AFTPH: variants seen among roughly 807,000 people sequenced by gnomAD.
AFTPH encodes aftiphilin.
In AFTPH, 7 loss-of-function variants were observed where a neutral mutation model predicts 72.5. The ratio of observed to expected loss-of-function variants is 0.10; its 90% CI spans 0.05 to 0.18. The LOEUF is 0.18. AFTPH is among the 10% of genes least tolerant of loss of function. The pLI, the probability that AFTPH is intolerant of heterozygous loss-of-function variation, is 1.00. For missense variants in AFTPH, 979 were observed against 1,060.5 expected (o/e 0.92, Z 1.07); for synonymous variants, 337 against 370.1 (o/e 0.91, Z 1.03).
intron 7 of AFTPH, among the ~76,000 whole-genome samples, chr2:64,583,970 C>T (rs1250287533): frequency 1.3e-5 from 2 of 152,028 alleles, no homozygotes; most frequent in Non-Finnish European, 2.9e-5. Context: ...AGGAAAAAAA[C>T]TTGTTAATCT....
intron 7 of AFTPH, 148 bp downstream of exon 8, chr2:64,581,421 G>T (rs542306604): frequency 1.5e-4 from 98 of 634,556 alleles, no homozygotes; most frequent in Middle Eastern, 1.1e-3. Context: ...TTATTTTCTA[G>T]TATCTGATTA....
intron 6 of AFTPH, among the ~76,000 whole-genome samples, chr2:64,575,979 T>C (rs1439439524): frequency 6.6e-6 from 1 of 151,512 alleles, no homozygotes; most frequent in African/African-American, 2.4e-5. Flanking sequence ...CCTCAAGTGA[T>C]CTGCCCACCT....
At chr2:64,536,934 A>G (rs1215469451) in intron 1 of AFTPH, among the ~76,000 whole-genome samples, 1 of 146,042 alleles carries the variant, frequency 6.8e-6, no homozygotes, top group Non-Finnish European at 1.5e-5. Context: ...GCCTGGGAAA[A>G]GAAGGAGACT....
intron 5 of AFTPH, 26 bp from the exon 6 acceptor site, chr2:64,572,920 A>G (rs1198785201): frequency 6.2e-7 from 1 of 1,613,658 alleles, no homozygotes; most frequent in Non-Finnish European, 8.5e-7. Flanking sequence ...CCCCATCCCC[A>G]TTAAAGGCTA....
At chr2:64,528,936 T>C (rs1452274507) in intron 1 of AFTPH, among the ~76,000 whole-genome samples, 1 of 152,116 alleles carries the variant, frequency 6.6e-6, no homozygotes, top group African/African-American at 2.4e-5. Context: ...AAATAGACTA[T>C]AGGAGTGGAA....
rs1392724532 is a variant in AFTPH at position 64,566,064 on chromosome 2, T to TA, written c.1936-1497dup. On this transcript the variant is annotated intron_variant, in intron 2 of 8. Transcript: ENST00000238856. ...ACAGAGAAATAAAATTTGGCCATGT[T>TA]AGTTTTTTGTTTACCTTCCCTGCCC... Among the ~76,000 whole-genome samples, 6 of 152,338 alleles carry TA rather than the reference T, an allele frequency of 3.9e-5. 1 individual carries two copies. In the South Asian group the frequency reaches 1.0e-3, roughly 26 times the overall value.
Position 64,555,219 on chromosome 2 carries a change from CT to C in AFTPH, c.1935+1818del, listed in dbSNP as rs749651386. Among the ~76,000 whole-genome samples the C allele has an allele frequency of 5.3e-5, 8 of 151,856 alleles. No individual in the cohort carries two copies. In the East Asian group the frequency reaches 9.7e-4, roughly 18 times the overall value. On this transcript the variant is annotated intron_variant, in intron 2 of 8. Transcript: ENST00000238856. ...AAAATAAGAATTTTATAGTATGATTCTTTTTTTTATAAAAATAAAACAAACT... is the reference window on the plus strand; with the variant it reads ...AAAATAAGAATTTTATAGTATGATTCTTTTTTTATAAAAATAAAACAAACT...
intron 1 of AFTPH, among the ~76,000 whole-genome samples, chr2:64,546,499 G>A (rs1324751852): frequency 5.3e-5 from 8 of 151,764 alleles, no homozygotes; most frequent in Non-Finnish European, 1.2e-4. Context: ...TACTTAGCTA[G>A]AATTGTATAA....
intron 1 of AFTPH, among the ~76,000 whole-genome samples, chr2:64,542,301 T>A (rs2042090): frequency 0.37 from 55,942 of 152,010 alleles, 10,592 homozygotes; most frequent in African/African-American, 0.47. Flanking sequence ...TGTGTGGATG[T>A]TGGGGGTAGG....
chr2:64,530,401 T>C (rs1359181926), intron 1 of AFTPH, among the ~76,000 whole-genome samples: 2 of 152,150 alleles, frequency 1.3e-5, no homozygotes, highest in African/African-American at 4.8e-5. Flanking sequence ...ATTATCTACA[T>C]CATATTATGT....
In AFTPH at chr2:64,540,867, G is replaced by A. The variant is rs145571416; in HGVS notation, c.-32-10576G>A. On this transcript the variant is annotated intron_variant, in intron 1 of 8. Transcript: ENST00000238856. The stretch of plus-strand genomic sequence containing the variant: ...GCTTGGCATTTTTGTTGGTTATACT[G>A]TACTTTCTTGTCTTGTAAAAATCTT... Among the ~76,000 whole-genome samples the A allele has an allele frequency of 3.7e-3, 563 of 152,154 alleles. 1 individual carries two copies. Among genetic ancestry groups the A allele is most frequent in the African/African-American group, 0.013 (536 of 41,528 alleles).
chr2:64,541,224 T>C (rs1670232544), intron 1 of AFTPH, among the ~76,000 whole-genome samples: 1 of 152,186 alleles, frequency 6.6e-6, no homozygotes, highest in African/African-American at 2.4e-5. Context: ...GTATTAATAA[T>C]GACATTGGTG....
intron 1 of AFTPH, among the ~76,000 whole-genome samples, chr2:64,535,978 A>G (rs1669860367): frequency 6.6e-6 from 1 of 152,188 alleles, no homozygotes; most frequent in Admixed American, 6.5e-5. Context: ...TTAAGGAGGG[A>G]GAAACTTGAT....
intron 7 of AFTPH, among the ~76,000 whole-genome samples, chr2:64,584,463 T>G (rs954394048): frequency 1.3e-5 from 2 of 152,156 alleles, no homozygotes; most frequent in Non-Finnish European, 2.9e-5. Context: ...ATTAACCCTG[T>G]AGACAAGAAT....
intron 1 of AFTPH, among the ~76,000 whole-genome samples, chr2:64,545,191 T>A (rs1400087230): frequency 1.3e-5 from 2 of 152,150 alleles, no homozygotes; most frequent in East Asian, 3.9e-4. Context: ...CACACATAGT[T>A]CTTTGAAAGT....
intron 2 of AFTPH, among the ~76,000 whole-genome samples, chr2:64,561,322 T>A (rs1231623455): frequency 6.6e-6 from 1 of 152,200 alleles, no homozygotes; most frequent in Non-Finnish European, 1.5e-5. Context: ...TATTCCATAT[T>A]CAAGGGAAAA....
At chr2:64,579,250 AATTTC>A (rs1229302137) in intron 6 of AFTPH, among the ~76,000 whole-genome samples, 1 of 152,238 alleles carries the variant, frequency 6.6e-6, no homozygotes, top group African/African-American at 2.4e-5. Context: ...ATGTAAAGAT[AATTTC>A]ATTTCCCAGA....
At position 64,535,693 on chromosome 2, in the gene AFTPH, T is replaced by C. The variant is rs555848185; in HGVS notation, c.-33+11081T>C. Among the ~76,000 whole-genome samples the C allele has an allele frequency of 5.9e-5, 9 of 152,338 alleles. No individual in the cohort carries two copies. The South Asian group carries it at 1.9e-3, about 32-fold the overall frequency. On this transcript the variant is annotated intron_variant, in intron 1 of 8. Coordinates refer to ENST00000238856, the Ensembl canonical transcript of AFTPH. ...CAGTTCTCCAGCCTTGATAGAAAAC[T>C]TCATGCCTGAATAGAATTTTGAAGG... is the stretch of plus-strand genomic sequence containing the variant.
intron 1 of AFTPH, among the ~76,000 whole-genome samples, chr2:64,545,707 T>TC (rs1670565372): frequency 6.8e-6 from 1 of 148,110 alleles, no homozygotes; most frequent in African/African-American, 2.5e-5. Context: ...GCATACATAA[T>TC]ATCCTTTCAA....
Sources: allele counts gnomAD v4.1 joint callset (sites outside exome capture counted in the v4.1 genomes callset), GRCh38; gene constraint gnomAD v4.1.1; transcripts MANE v1.5; gene names NCBI Gene and HGNC (gene_info 2026-07-23, HGNC 2026-07-21).